EEPD1: variants seen among roughly 807,000 people sequenced by gnomAD.
EEPD1 encodes endonuclease/exonuclease/phosphatase family domain containing 1, also known as endonuclease/exonuclease/phosphatase family domain-containing protein 1.
A neutral mutation model predicts 46.3 loss-of-function variants in EEPD1; 17 were observed. The ratio of observed to expected loss-of-function variants is 0.37; its 90% CI spans 0.25 to 0.55. EEPD1 has a LOEUF of 0.55. EEPD1 is among the 20% of genes least tolerant of loss of function. EEPD1 has a pLI of 0.83. For missense variants in EEPD1, 673 were observed against 745.6 expected, an observed-to-expected ratio of 0.90 and a Z score of 1.13; for synonymous variants, 313 against 315.6, an observed-to-expected ratio of 0.99 and a Z score of 0.09.
At chr7:36,180,686 C>T (rs939732933) in intron 2 of EEPD1, among the ~76,000 whole-genome samples, 2 of 152,140 alleles carry the variant, frequency 1.3e-5, no homozygotes, top group Non-Finnish European at 2.9e-5. Context: ...TGAATGCCAG[C>T]TCATCCTCAG....
chr7:36,299,687 T>C lies in EEPD1; in HGVS notation c.*481T>C, dbSNP rs1787586297. 6.3e-6 allele frequency: 1 copy of C among 158,814 alleles called. No individual in the cohort carries two copies. The highest frequency in any genetic ancestry group is 1.4e-5 in the Non-Finnish European group (1 of 71,972). 9.8% of individuals were successfully genotyped at this position (158,814 alleles called of 1,614,324 possible). Reference sequence around the variant, plus strand: ...CTGCTCAGATACATTGAGTGGCGATTTTTAGTTTTGTTTTGAAAAAATAAA... The same window carrying C: ...CTGCTCAGATACATTGAGTGGCGATCTTTAGTTTTGTTTTGAAAAAATAAA... On this transcript the variant is annotated 3_prime_UTR_variant, in exon 8 of 8. Coordinates refer to ENST00000242108, the MANE Select transcript of EEPD1 (RefSeq NM_030636.3).
chr7:36,250,517 T>C (rs1786719743), intron 3 of EEPD1, among the ~76,000 whole-genome samples: 1 of 152,140 alleles, frequency 6.6e-6, no homozygotes, highest in South Asian at 2.1e-4. Context: ...TTTTATAAAG[T>C]TTTATTGGAA....
At chr7:36,162,278 G>C (rs1339546228) in intron 2 of EEPD1, among the ~76,000 whole-genome samples, 1 of 152,194 alleles carries the variant, frequency 6.6e-6, no homozygotes, top group Non-Finnish European at 1.5e-5. Flanking sequence ...GGGAACCCTG[G>C]AGAGGTGTGC....
intron 6 of EEPD1, among the ~76,000 whole-genome samples, chr7:36,295,806 G>A (rs1047014711): frequency 6.6e-6 from 1 of 152,028 alleles, no homozygotes. Context: ...AGAGGCGGAC[G>A]GATCACTTGA....
At chr7:36,275,422 A>G (rs1289013719) in intron 3 of EEPD1, among the ~76,000 whole-genome samples, 1 of 152,042 alleles carries the variant, frequency 6.6e-6, no homozygotes, top group Non-Finnish European at 1.5e-5. Flanking sequence ...TGGAGTTGGA[A>G]CACCTTTATT....
intron 6 of EEPD1, among the ~76,000 whole-genome samples, chr7:36,290,223 A>G (rs975190686): frequency 4.6e-5 from 7 of 151,612 alleles, no homozygotes; most frequent in African/African-American, 1.7e-4. Flanking sequence ...CCATCCCCCC[A>G]CCCCACCCCT....
chr7:36,263,274 G>A (rs1182230395), intron 3 of EEPD1, among the ~76,000 whole-genome samples: 2 of 152,154 alleles, frequency 1.3e-5, no homozygotes, highest in Non-Finnish European at 2.9e-5. Context: ...TGAGGCTGCA[G>A]TGGGCTGTGA....
intron 2 of EEPD1, among the ~76,000 whole-genome samples, chr7:36,222,930 C>T (rs999258371): frequency 7.9e-5 from 12 of 152,160 alleles, no homozygotes; most frequent in Admixed American, 3.9e-4. Context: ...GCAGGCAGAT[C>T]GCTTGAGGTC....
At chr7:36,276,322 T>C (rs1269104861) in intron 3 of EEPD1, among the ~76,000 whole-genome samples, 1 of 152,196 alleles carries the variant, frequency 6.6e-6, no homozygotes, top group Non-Finnish European at 1.5e-5. Flanking sequence ...TTATAATGCA[T>C]TAGCATGCTA....
intron 2 of EEPD1, among the ~76,000 whole-genome samples, chr7:36,224,175 A>G (rs1786193292): frequency 6.6e-6 from 1 of 152,212 alleles, no homozygotes; most frequent in African/African-American, 2.4e-5. Context: ...TGGGAAAAAA[A>G]GCTTGTATAT....
intron 2 of EEPD1, among the ~76,000 whole-genome samples, chr7:36,195,928 A>T (rs573334303): frequency 6.6e-6 from 1 of 152,190 alleles, no homozygotes; most frequent in Admixed American, 6.5e-5. Context: ...CGATTTCTTC[A>T]TTGTGCAAAC....
intron 2 of EEPD1, among the ~76,000 whole-genome samples, chr7:36,224,236 A>G (rs1039744702): frequency 7.2e-5 from 11 of 152,232 alleles, no homozygotes; most frequent in Non-Finnish European, 1.5e-4. Context: ...TTTACTGTTC[A>G]TCATCACCCC....
chr7:36,244,136 A>C (rs1786600147), intron 3 of EEPD1, among the ~76,000 whole-genome samples: 1 of 152,244 alleles, frequency 6.6e-6, no homozygotes, highest in South Asian at 2.1e-4. Flanking sequence ...GCAAACCTCA[A>C]ACCTCTTTTA....
intron 2 of EEPD1, among the ~76,000 whole-genome samples, chr7:36,197,087 G>T (rs201417429): frequency 7.7e-5 from 11 of 142,468 alleles, no homozygotes; most frequent in African/African-American, 1.1e-4. Context: ...GGTGAGGAGC[G>T]TCTCTGCCCG....
rs749162971 is a variant in EEPD1 at position 36,287,598 on chromosome 7, C to T, written c.1177-41C>T. 7.5e-6 allele frequency: 12 copies of T among 1,599,450 alleles called. No individual in the cohort carries two copies. In the South Asian group the frequency reaches 1.2e-4, roughly 16 times the overall value. ...TTGTAACGGATACAGGAAATATGAG[C>T]TTCTGAGCCTCTCCCTGTTGCTTTG... On this transcript the variant is annotated intron_variant, in intron 5 of 7. Coordinates refer to ENST00000242108, the MANE Select transcript of EEPD1 (RefSeq NM_030636.3).
At position 36,287,732 on chromosome 7, in the gene EEPD1, C is replaced by T; in HGVS notation, c.1270C>T (p.His424Tyr). The change falls in exon 6 of 8, where the codon CAC (histidine) becomes TAC (tyrosine). Residue 424 changes from histidine to tyrosine, a missense_variant. Physicochemically the swap from His to Tyr is moderately conservative, Grantham distance 83. Transcript: ENST00000242108. ...TCCCAGCAAGAATCACAGTGATGGC[C>T]ACCGGTTGGCGAGCTTTGCACAGAC... ...ENPSKNHSDG[H>Y]RLASFAQTLQ... The T allele has an allele frequency of 6.2e-7, 1 of 1,614,144 alleles. No individual in the cohort carries two copies. Among genetic ancestry groups the T allele is most frequent in the Non-Finnish European group, 8.5e-7 (1 of 1,180,018 alleles).
At chr7:36,204,985 A>T (rs912830013) in intron 2 of EEPD1, among the ~76,000 whole-genome samples, 9 of 152,210 alleles carry the variant, frequency 5.9e-5, no homozygotes, top group African/African-American at 1.7e-4. Flanking sequence ...AGACAGGGCT[A>T]AAGCTTAGCT....
intron 3 of EEPD1, among the ~76,000 whole-genome samples, chr7:36,252,779 G>A (rs906400376): frequency 6.8e-6 from 1 of 147,728 alleles, no homozygotes; most frequent in Non-Finnish European, 1.5e-5. Flanking sequence ...GGCAGGCAGA[G>A]CTCAGACAGA....
intron 2 of EEPD1, among the ~76,000 whole-genome samples, chr7:36,221,908 G>C (rs1489007121): frequency 2.0e-5 from 3 of 152,144 alleles, no homozygotes; most frequent in African/African-American, 7.2e-5. Flanking sequence ...CAGGTCCTCT[G>C]TGTCCCCCCC....
Sources: gnomAD v4.1 joint callset for allele counts (sites outside exome capture counted in the v4.1 genomes callset) on GRCh38, gnomAD v4.1.1 for gene constraint, MANE v1.5 for transcripts, NCBI Gene and HGNC (gene_info 2026-07-23, HGNC 2026-07-21) for gene names.